DCUN1D4: variants seen among roughly 807,000 people sequenced by gnomAD.
DCUN1D4 encodes the protein DCN1-like protein 4.
Under a neutral mutation model 47.9 loss-of-function variants are expected in DCUN1D4, and 22 were observed. The ratio of observed to expected loss-of-function variants is 0.46; its 90% CI spans 0.33 to 0.66. DCUN1D4 has a LOEUF of 0.66. DCUN1D4 is among the 30% of genes least tolerant of loss of function. DCUN1D4 has a pLI of 0.02. For missense variants in DCUN1D4, 301 were observed against 340.8 expected (o/e 0.88, Z 0.92); for synonymous variants, 121 against 112.2 (o/e 1.08, Z -0.50).
At chr4:51,874,209 T>C (rs1159277043) in intron 3 of DCUN1D4, 62 bp from the exon 4 acceptor site, 2 of 1,080,288 alleles carry the variant, frequency 1.9e-6, no homozygotes, top group Non-Finnish European at 2.7e-6. Flanking sequence ...TACTGTTCTT[T>C]GGAAGTACAG....
intron 8 of DCUN1D4, among the ~76,000 whole-genome samples, chr4:51,905,681 A>G (rs1201261993): frequency 6.6e-6 from 1 of 152,038 alleles, no homozygotes; most frequent in Non-Finnish European, 1.5e-5. Flanking sequence ...TGGATGTTTT[A>G]CCTTCTCTGT....
chr4:51,855,442 C>A (rs1168065081), intron 1 of DCUN1D4, among the ~76,000 whole-genome samples: 1 of 152,096 alleles, frequency 6.6e-6, no homozygotes, highest in Non-Finnish European at 1.5e-5. Flanking sequence ...TCTAAATCCA[C>A]TGGGAGATGG....
chr4:51,846,257 G>A (rs908128324), intron 1 of DCUN1D4, among the ~76,000 whole-genome samples: 3 of 152,034 alleles, frequency 2.0e-5, no homozygotes, highest in Non-Finnish European at 2.9e-5. Flanking sequence ...TCTTGTGAAC[G>A]TAGCTGTGCA....
At chr4:51,842,724 A>G (rs1721796427), upstream of DCUN1D4, among the ~76,000 whole-genome samples, 1 of 151,912 alleles carries the variant, frequency 6.6e-6, no homozygotes, top group Non-Finnish European at 1.5e-5. Flanking sequence ...GCCGCCCCCA[A>G]CTGCGCTGCG....
chr4:51,885,617 G>A (rs898210598), intron 5 of DCUN1D4, among the ~76,000 whole-genome samples: 7 of 152,172 alleles, frequency 4.6e-5, no homozygotes, highest in African/African-American at 1.7e-4. Flanking sequence ...CAAAAGTAAG[G>A]GGAAAGTGTG....
At chr4:51,840,358 A>T (rs1721598460), upstream of DCUN1D4, among the ~76,000 whole-genome samples, 1 of 152,236 alleles carries the variant, frequency 6.6e-6, no homozygotes, top group Admixed American at 6.5e-5. Context: ...GCAGACTTGT[A>T]TTAGATTGGC....
chr4:51,839,452 A>G (rs750396950), upstream of DCUN1D4, among the ~76,000 whole-genome samples: 14 of 152,210 alleles, frequency 9.2e-5, no homozygotes, highest in Non-Finnish European at 1.6e-4. Context: ...TTAGTTTACC[A>G]GTACAGTACT....
intron 6 of DCUN1D4, among the ~76,000 whole-genome samples, chr4:51,891,206 A>G (rs920649017): frequency 6.6e-5 from 10 of 152,264 alleles, no homozygotes; most frequent in African/African-American, 1.9e-4. Flanking sequence ...CACTTAATAC[A>G]TCTTGGAAAT....
At chr4:51,845,823 T>C (rs1423336333) in intron 1 of DCUN1D4, among the ~76,000 whole-genome samples, 1 of 152,268 alleles carries the variant, frequency 6.6e-6, no homozygotes, top group Non-Finnish European at 1.5e-5. Flanking sequence ...TGTTTGATGG[T>C]TCTTTTCATG....
chr4:51,856,863 C>T (rs1384429208), intron 1 of DCUN1D4, among the ~76,000 whole-genome samples: 2 of 152,070 alleles, frequency 1.3e-5, no homozygotes, highest in Admixed American at 6.6e-5. Flanking sequence ...GAAACACTTG[C>T]AGAAGATTCC....
intron 4 of DCUN1D4, among the ~76,000 whole-genome samples, chr4:51,876,588 A>G (rs961745079): frequency 1.2e-4 from 19 of 152,352 alleles, no homozygotes; most frequent in Admixed American, 8.5e-4. Flanking sequence ...AAAGGATTAT[A>G]CAGTTGACTG....
chr4:51,863,471 A>G lies in DCUN1D4; in HGVS notation c.60A>G (p.Ala20=), dbSNP rs773954878. 11 of 1,612,928 alleles carry G rather than the reference A, an allele frequency of 6.8e-6. No individual in the cohort carries two copies. The South Asian group carries it at 1.1e-4, about 16-fold the overall frequency. The part of the protein sequence containing the change: ...FQLNSHLSTL[A]NIHKIYHTLN... ...TGAACTCTCATCTCTCAACACTGGC[A>G]AATATTCATAAGATCTACCACACCC... The change falls in exon 2 of 11, where the codon GCA becomes GCG. Residue 20 remains alanine, a synonymous_variant. Transcript: ENST00000334635.
At chr4:51,886,093 A>G (rs1729440604) in intron 5 of DCUN1D4, among the ~76,000 whole-genome samples, 1 of 152,248 alleles carries the variant, frequency 6.6e-6, no homozygotes, top group East Asian at 1.9e-4. Flanking sequence ...CTAATGCTAG[A>G]ACGGAAAAGG....
chr4:51,912,432 A>T (rs1325458579), intron 9 of DCUN1D4, among the ~76,000 whole-genome samples: 1 of 152,162 alleles, frequency 6.6e-6, no homozygotes, highest in East Asian at 1.9e-4. Context: ...ATTTTTCTTT[A>T]AAAAAGACAG....
At chr4:51,879,119 A>G (rs1351060893) in intron 5 of DCUN1D4, among the ~76,000 whole-genome samples, 1 of 152,160 alleles carries the variant, frequency 6.6e-6, no homozygotes, top group Admixed American at 6.5e-5. Flanking sequence ...GAGCTACCCC[A>G]ACATCTTTCT....
intron 3 of DCUN1D4, among the ~76,000 whole-genome samples, chr4:51,871,694 G>A (rs539078916): frequency 6.6e-6 from 1 of 152,340 alleles, no homozygotes; most frequent in Admixed American, 6.5e-5. Flanking sequence ...TCATTTCTGG[G>A]CAGTATAACA....
chr4:51,895,170 G>T (rs1273560273), intron 7 of DCUN1D4, among the ~76,000 whole-genome samples: 1 of 150,732 alleles, frequency 6.6e-6, no homozygotes, highest in East Asian at 1.9e-4. Flanking sequence ...CAAACATTCA[G>T]ACCCTTCATT....
intron 5 of DCUN1D4, 73 bp from the exon 6 acceptor site, chr4:51,886,495 T>C (rs1028957452): frequency 1.5e-6 from 2 of 1,343,668 alleles, no homozygotes; most frequent in Non-Finnish European, 2.1e-6. Flanking sequence ...TTGTTGACAG[T>C]ATAATACTAC....
At chr4:51,834,080 C>CTTTTTTTTTTTTTTT in the DCUN1D4 span, among the ~76,000 whole-genome samples, 1 of 69,074 alleles carries the variant, frequency 1.4e-5, no homozygotes, top group Non-Finnish European at 2.6e-5. Context: ...CTCTCTCTCT[C>CTTTTTTTTTTTTTTT]TCTCTCTTTT....
Sources: allele counts gnomAD v4.1 joint callset (sites outside exome capture counted in the v4.1 genomes callset), GRCh38; gene constraint gnomAD v4.1.1; transcripts MANE v1.5; gene names NCBI Gene and HGNC (gene_info 2026-07-23, HGNC 2026-07-21).